CLASP1: variants seen among roughly 807,000 people sequenced by gnomAD.
CLASP1 encodes the protein cytoplasmic linker associated protein 1, also known as CLIP-associating protein 1.
A neutral mutation model predicts 192.3 loss-of-function variants in CLASP1; 38 were observed. The observed-to-expected ratio is 0.20, with a 90% CI of 0.15 to 0.26. The LOEUF is 0.26. CLASP1 is among the 10% of genes least tolerant of loss of function. CLASP1 has a pLI of 1.00. For synonymous variants in CLASP1, 691 were observed against 712.8 expected, an observed-to-expected ratio of 0.97 and a Z score of 0.49; for missense variants, 1,433 against 1,932.5, an observed-to-expected ratio of 0.74 and a Z score of 4.85.
chr2:121,392,978 C>T (rs2074638835), intron 30 of CLASP1, among the ~76,000 whole-genome samples: 1 of 152,182 alleles, frequency 6.6e-6, no homozygotes. Flanking sequence ...AATTTAAGCA[C>T]CCCTCCCTCC....
chr2:121,600,628 T>C (rs2063683790), intron 2 of CLASP1, among the ~76,000 whole-genome samples: 1 of 152,234 alleles, frequency 6.6e-6, no homozygotes, highest in Admixed American at 6.5e-5. Flanking sequence ...GAACTCTGTA[T>C]ATTTGCATTA....
At chr2:121,361,601 GTTTT>G (rs138112462) in intron 37 of CLASP1, among the ~76,000 whole-genome samples, 1 of 150,858 alleles carries the variant, frequency 6.6e-6, no homozygotes, top group Non-Finnish European at 1.5e-5. Flanking sequence ...ATTTTTTGTG[GTTTT>G]TTTTTAGGCT....
intron 1 of CLASP1, among the ~76,000 whole-genome samples, chr2:121,622,327 T>G (rs1156650408): frequency 6.6e-6 from 1 of 151,792 alleles, no homozygotes; most frequent in East Asian, 2.0e-4. Flanking sequence ...TCCCAGCACT[T>G]TGGGAGGTCG....
At chr2:121,639,863 CAA>C (rs34338582) in intron 1 of CLASP1, among the ~76,000 whole-genome samples, 698 of 62,348 alleles carry the variant, frequency 0.011, 7 homozygotes, top group African/African-American at 0.032. Flanking sequence ...AACTCCATCT[CAA>C]AAAAAAAAAA....
chr2:121,528,401 T>C (rs1455359285), intron 4 of CLASP1, among the ~76,000 whole-genome samples: 1 of 152,236 alleles, frequency 6.6e-6, no homozygotes, highest in Non-Finnish European at 1.5e-5. Flanking sequence ...GAGAGTCGGT[T>C]ACATAAATGA....
intron 37 of CLASP1, among the ~76,000 whole-genome samples, chr2:121,359,929 T>A (rs2066052416): frequency 6.6e-6 from 1 of 152,242 alleles, no homozygotes; most frequent in African/African-American, 2.4e-5. Flanking sequence ...CACATATAGC[T>A]TCTTTTGAAA....
At chr2:121,601,921 T>A (rs535647533) in intron 2 of CLASP1, among the ~76,000 whole-genome samples, 1 of 152,126 alleles carries the variant, frequency 6.6e-6, no homozygotes, top group East Asian at 1.9e-4. Context: ...ACGACTGTAA[T>A]CCCAGCACTT....
chr2:121,504,750 C>T (rs545378378), intron 7 of CLASP1, among the ~76,000 whole-genome samples: 1 of 152,252 alleles, frequency 6.6e-6, no homozygotes, highest in Non-Finnish European at 1.5e-5. Flanking sequence ...GCACTGCCTC[C>T]CCCCATTCCA....
rs536507117 is a variant in CLASP1, at chr2:121,536,354, C to G, written c.196-6029G>C. Among the ~76,000 whole-genome samples the G allele has an allele frequency of 6.4e-3, 817 of 127,470 alleles. 13 individuals are homozygous for G. The highest frequency in any genetic ancestry group is 0.026 in the African/African-American group (787 of 30,168). 83.6% of individuals were successfully genotyped at this position (127,470 alleles called of 152,430 possible). A position where few individuals can be genotyped will look rare whatever the true frequency, so the allele number is the denominator to read the frequency against. ...CGAGATTGTGCCACTGCACTCCAGC[C>G]TGGGCGACAGAGCAAGACTGTCTGA... On this transcript the variant is annotated intron_variant, in intron 2 of 39. Coordinates refer to ENST00000263710, the Ensembl canonical transcript of CLASP1.
chr2:121,557,840 T>C (rs1438707414), intron 2 of CLASP1, among the ~76,000 whole-genome samples: 1 of 151,852 alleles, frequency 6.6e-6, no homozygotes, highest in Non-Finnish European at 1.5e-5. Flanking sequence ...CCTAGCACTT[T>C]GGGAGGCCAA....
At chr2:121,475,969 T>A (rs1275988822) in intron 8 of CLASP1, among the ~76,000 whole-genome samples, 1 of 152,168 alleles carries the variant, frequency 6.6e-6, no homozygotes, top group Admixed American at 6.5e-5. Context: ...TTCTACAGCA[T>A]CAGGATAAAC....
intron 2 of CLASP1, among the ~76,000 whole-genome samples, chr2:121,582,648 G>A (rs1300849538): frequency 6.7e-6 from 1 of 150,094 alleles, no homozygotes; most frequent in African/African-American, 2.5e-5. Flanking sequence ...GGAGAGAGAG[G>A]GAGAGAGAGG....
chr2:121,464,002 C>T (rs1217306707), intron 9 of CLASP1, among the ~76,000 whole-genome samples: 2 of 115,540 alleles, frequency 1.7e-5, no homozygotes, highest in Non-Finnish European at 3.4e-5. Context: ...CCCCTCCCCC[C>T]ACCCCACAAC....
intron 37 of CLASP1, among the ~76,000 whole-genome samples, chr2:121,356,758 C>T (rs964711043): frequency 1.3e-5 from 2 of 152,206 alleles, no homozygotes; most frequent in Non-Finnish European, 2.9e-5. Context: ...ACAAGACAGT[C>T]ATCACATCCT....
chr2:121,649,013 G>A (rs983098716), intron 1 of CLASP1, among the ~76,000 whole-genome samples: 2 of 152,114 alleles, frequency 1.3e-5, no homozygotes, highest in Non-Finnish European at 2.9e-5. Context: ...ACGCGCCCCG[G>A]GCTCGCTGGC....
chr2:121,615,208 G>A (rs570583894), intron 1 of CLASP1, among the ~76,000 whole-genome samples: 5 of 151,946 alleles, frequency 3.3e-5, no homozygotes, highest in East Asian at 3.9e-4. Flanking sequence ...GGCATAGGGC[G>A]CACGCCTGTA....
At chr2:121,459,013 T>C (rs1475408556) in intron 12 of CLASP1, 38 bp from the exon 13 acceptor site, 3 of 1,514,226 alleles carry the variant, frequency 2.0e-6, no homozygotes, top group Non-Finnish European at 2.7e-6. Context: ...TAGTTATTTT[T>C]CTTAGAGACA....
At chr2:121,471,669 A>G (rs1439826445) in intron 8 of CLASP1, among the ~76,000 whole-genome samples, 1 of 152,180 alleles carries the variant, frequency 6.6e-6, no homozygotes, top group Non-Finnish European at 1.5e-5. Context: ...TTTATTCAAC[A>G]CAGCGTAGGG....
intron 2 of CLASP1, among the ~76,000 whole-genome samples, chr2:121,547,669 G>A (rs2057597506): frequency 6.6e-6 from 1 of 152,168 alleles, no homozygotes; most frequent in African/African-American, 2.4e-5. Flanking sequence ...ACTCAAGGTG[G>A]AGAGAAACCC....
Sources: allele counts gnomAD v4.1 joint callset (sites outside exome capture counted in the v4.1 genomes callset), GRCh38; gene constraint gnomAD v4.1.1; transcripts MANE v1.5; gene names NCBI Gene and HGNC (gene_info 2026-07-23, HGNC 2026-07-21).